Variants in CACNA1C observed in about 807,000 individuals in gnomAD.
CACNA1C encodes voltage-dependent L-type calcium channel subunit alpha-1C.
A neutral mutation model predicts 229.0 loss-of-function variants in CACNA1C; 30 were observed. The observed-to-expected ratio is 0.13, with a 90% CI of 0.10 to 0.18. CACNA1C has a LOEUF of 0.18. CACNA1C is among the 10% of genes least tolerant of loss of function. The probability of loss-of-function intolerance (pLI) is 1.00; values close to 1 mark genes in which losing one functional copy is unlikely to be tolerated. For missense variants in CACNA1C, 1,658 were observed against 2,845.0 expected, an observed-to-expected ratio of 0.58 and a Z score of 9.49; for synonymous variants, 1,114 against 1,132.5, an observed-to-expected ratio of 0.98 and a Z score of 0.33.
At chr12:2,092,419 A>G (rs571255442) in intron 1 of CACNA1C, among the ~76,000 whole-genome samples, 3 of 152,354 alleles carry the variant, frequency 2.0e-5, no homozygotes, top group Middle Eastern at 3.4e-3. Context: ...TGGCTTGGAT[A>G]TCCTGTAACT....
intron 3 of CACNA1C, among the ~76,000 whole-genome samples, chr12:2,125,234 G>A (rs1372945237): frequency 6.6e-6 from 1 of 152,154 alleles, no homozygotes; most frequent in East Asian, 1.9e-4. Context: ...GTTCAAAATC[G>A]TGGCTCATGG....
chr12:2,572,609 C>G (rs2056239198), intron 13 of CACNA1C, among the ~76,000 whole-genome samples: 1 of 135,678 alleles, frequency 7.4e-6, no homozygotes. Flanking sequence ...CCTCCTCCTT[C>G]TCCTCTTCCT....
chr12:2,471,987 T>G (rs2099596041), intron 5 of CACNA1C, among the ~76,000 whole-genome samples: 1 of 152,168 alleles, frequency 6.6e-6, no homozygotes, highest in African/African-American at 2.4e-5. Context: ...CCTGATATTA[T>G]TGTTATTATT....
chr12:2,337,799 G>C (rs1014540144), intron 3 of CACNA1C, among the ~76,000 whole-genome samples: 1 of 152,280 alleles, frequency 6.6e-6, no homozygotes, highest in South Asian at 2.1e-4. Flanking sequence ...CCCACCACTG[G>C]GGAGGCCAGA....
intron 3 of CACNA1C, among the ~76,000 whole-genome samples, chr12:2,271,091 C>T (rs773907664): frequency 5.3e-5 from 8 of 152,088 alleles, no homozygotes; most frequent in South Asian, 2.1e-4. Context: ...GTCCTGGGCC[C>T]GATAGGCTCT....
chr12:1,994,965 C>T (rs1315972448), intron 1 of CACNA1C, among the ~76,000 whole-genome samples: 1 of 141,046 alleles, frequency 7.1e-6, no homozygotes, highest in African/African-American at 2.6e-5. Flanking sequence ...CTGAAGAAAG[C>T]CTTCAACATT....
At chr12:2,263,438 G>A (rs968756082) in intron 3 of CACNA1C, among the ~76,000 whole-genome samples, 2 of 152,262 alleles carry the variant, frequency 1.3e-5, no homozygotes, top group South Asian at 2.1e-4. Context: ...GATGACTGTG[G>A]TGCTAACTTG....
In CACNA1C at chr12:2,682,565, G is replaced by A. The variant is rs776928313; in HGVS notation, c.5460G>A (p.Glu1820=). Residue 1820 remains glutamate, a synonymous_variant, in exon 43 of 47, where the codon GAG becomes GAA. Transcript: ENST00000399655. Reference sequence around the variant, plus strand: ...GATATTGTAGGTGCCACTCCCGGGAGAGCCAGGCAGCCATGGCGGGTCAGG... The same window carrying A: ...GATATTGTAGGTGCCACTCCCGGGAAAGCCAGGCAGCCATGGCGGGTCAGG... ...KLSSNRCHSR[E]SQAAMAGQEE... is the part of the protein sequence containing the mutation. 1 of 1,612,580 alleles carries A rather than the reference G, an allele frequency of 6.2e-7. No individual in the cohort carries two copies. The highest frequency in any genetic ancestry group is 8.5e-7 in the Non-Finnish European group (1 of 1,179,514).
Position 2,345,339 on chromosome 12 carries a change from T to C in CACNA1C, c.478-103637T>C, listed in dbSNP as rs942972016. 5.3e-5 allele frequency among the ~76,000 whole-genome samples: 8 copies of C among 151,696 alleles called. 1 individual carries two copies. Among genetic ancestry groups the C allele is most frequent in the Admixed American group, 5.3e-4 (8 of 15,222 alleles). On this transcript the variant is annotated intron_variant, in intron 3 of 46. Coordinates refer to ENST00000399655, the MANE Select transcript of CACNA1C (RefSeq NM_000719.7). ...GGCATTAACTGGATTGGTAGCTGGA[T>C]TGCGAAGAGGTCCAGGAGCCCTGGA... is the stretch of plus-strand genomic sequence containing the variant.
At chr12:2,503,964 G>A (rs950823365) in intron 7 of CACNA1C, among the ~76,000 whole-genome samples, 2 of 152,192 alleles carry the variant, frequency 1.3e-5, no homozygotes, top group Non-Finnish European at 2.9e-5. Context: ...TCTGAGGAAG[G>A]TTATCTTTCC....
chr12:2,667,873 G>A (rs2096298239), intron 37 of CACNA1C, among the ~76,000 whole-genome samples: 1 of 152,192 alleles, frequency 6.6e-6, no homozygotes, highest in African/African-American at 2.4e-5. Flanking sequence ...CCTTGAGCAT[G>A]CCCTTGGCAT....
intron 4 of CACNA1C, among the ~76,000 whole-genome samples, chr12:2,454,593 A>C (rs993507379): frequency 2.0e-5 from 3 of 152,106 alleles, no homozygotes; most frequent in Admixed American, 6.5e-5. Context: ...AACCCTAATC[A>C]AGTCCAACCA....
chr12:2,446,290 G>C (rs1567724642), intron 3 of CACNA1C, among the ~76,000 whole-genome samples: 2 of 149,930 alleles, frequency 1.3e-5, no homozygotes, highest in East Asian at 4.0e-4. Context: ...TGGATGGATG[G>C]ATGGGTGAGT....
chr12:2,055,711 G>C (rs989052238), intron 1 of CACNA1C, among the ~76,000 whole-genome samples: 1 of 152,306 alleles, frequency 6.6e-6, no homozygotes. Context: ...CTGAATTCCA[G>C]TTCTCTCCCT....
intron 1 of CACNA1C, 96 bp from the exon 2 acceptor site, chr12:2,115,128 G>A: frequency 2.0e-6 from 2 of 1,008,580 alleles, no homozygotes; most frequent in Non-Finnish European, 2.8e-6. Flanking sequence ...TTGAAATAAG[G>A]TTTTGAAAAA....
At chr12:2,255,525 G>C (rs937191446) in intron 3 of CACNA1C, among the ~76,000 whole-genome samples, 1 of 152,220 alleles carries the variant, frequency 6.6e-6, no homozygotes, top group Non-Finnish European at 1.5e-5. Flanking sequence ...GCCAATCAAA[G>C]GAGGTCGGCC....
chr12:2,069,797 G>T (rs1483173054), intron 1 of CACNA1C, among the ~76,000 whole-genome samples: 1 of 152,184 alleles, frequency 6.6e-6, no homozygotes, highest in Non-Finnish European at 1.5e-5. Context: ...TTATAGCATA[G>T]ACTCAAATGC....
chr12:2,122,359 T>A (rs1294865336), intron 3 of CACNA1C, among the ~76,000 whole-genome samples: 1 of 152,224 alleles, frequency 6.6e-6, no homozygotes, highest in African/African-American at 2.4e-5. Context: ...CTTCTCATTC[T>A]CTGCATTCCA....
chr12:2,623,781 C>T (rs1349801776), intron 29 of CACNA1C, among the ~76,000 whole-genome samples: 1 of 152,114 alleles, frequency 6.6e-6, no homozygotes, highest in Non-Finnish European at 1.5e-5. Flanking sequence ...TGCCCCTCCT[C>T]GCAAAAGTGA....
Sources: gnomAD v4.1 joint callset for allele counts (sites outside exome capture counted in the v4.1 genomes callset) on GRCh38, gnomAD v4.1.1 for gene constraint, MANE v1.5 for transcripts, NCBI Gene and HGNC (gene_info 2026-07-23, HGNC 2026-07-21) for gene names.